ALCAM: variants seen among roughly 807,000 people sequenced by gnomAD.
ALCAM encodes CD166 antigen.
ALCAM carries 30 observed loss-of-function variants against 70.9 expected under a neutral mutation model. The observed-to-expected ratio is 0.42, with a 90% CI of 0.32 to 0.57. The LOEUF (loss-of-function observed/expected upper bound fraction) is 0.57. Ranked by LOEUF, ALCAM falls within the 20% of genes least tolerant of loss-of-function variation. The pLI is 0.11. For synonymous variants in ALCAM, 249 were observed against 242.5 expected (o/e 1.03, Z -0.25); for missense variants, 591 against 695.1 (o/e 0.85, Z 1.68).
At chr3:105,463,827 A>G (rs1937642792) in intron 1 of ALCAM, among the ~76,000 whole-genome samples, 1 of 151,372 alleles carries the variant, frequency 6.6e-6, no homozygotes, top group South Asian at 2.1e-4. Context: ...TTACAGTAGT[A>G]TTTTCCCTGA....
intron 1 of ALCAM, among the ~76,000 whole-genome samples, chr3:105,397,217 A>T (rs1199528337): frequency 6.6e-6 from 1 of 152,080 alleles, no homozygotes; most frequent in East Asian, 1.9e-4. Flanking sequence ...TGGCAATGTG[A>T]GTTTAAGCTT....
At position 105,575,078 on chromosome 3, in the gene ALCAM, T is replaced by C. The variant is rs753888375; in HGVS notation, c.*627T>C. 9 of 152,536 alleles carry C rather than the reference T, an allele frequency of 5.9e-5. No homozygotes were observed. Among genetic ancestry groups the C allele is most frequent in the Admixed American group, 1.3e-4 (2 of 15,258 alleles). The allele number at this position is 152,536 out of a possible 1,614,324, so 9.4% of individuals were successfully genotyped here. On this transcript the variant is annotated 3_prime_UTR_variant, in exon 16 of 16. Transcript: ENST00000306107. The stretch of plus-strand genomic sequence containing the variant: ...ACTCTTTGATATGCCACCAGCGAAC[T>C]CTCAGAAATAAATCACAGATGCATA...
chr3:105,449,874 A>G (rs1937384932), intron 1 of ALCAM, among the ~76,000 whole-genome samples: 2 of 152,176 alleles, frequency 1.3e-5, no homozygotes, highest in African/African-American at 4.8e-5. Context: ...CTTCAACAGC[A>G]ATATACTACT....
chr3:105,442,236 A>G (rs1937187219), intron 1 of ALCAM, among the ~76,000 whole-genome samples: 1 of 152,150 alleles, frequency 6.6e-6, no homozygotes, highest in Non-Finnish European at 1.5e-5. Context: ...CTCAGGTTTG[A>G]GGTATCAGGA....
intron 1 of ALCAM, among the ~76,000 whole-genome samples, chr3:105,498,244 C>T (rs545215284): frequency 8.9e-4 from 136 of 152,176 alleles, no homozygotes; most frequent in African/African-American, 2.7e-3. Context: ...AAAACCAGGA[C>T]GTTTGAGTTT....
chr3:105,534,602 C>T (rs981019017), intron 5 of ALCAM, 61 bp from the exon 6 acceptor site: 24 of 1,503,490 alleles, frequency 1.6e-5, no homozygotes, highest in South Asian at 2.3e-5. Context: ...GGTGCTGTTT[C>T]GTTAAGGATT....
chr3:105,518,127 C>A (rs989767383), intron 1 of ALCAM, among the ~76,000 whole-genome samples: 1 of 151,964 alleles, frequency 6.6e-6, no homozygotes, highest in Non-Finnish European at 1.5e-5. Flanking sequence ...TTCTTATTTC[C>A]CTTTACCTGG....
intron 14 of ALCAM, among the ~76,000 whole-genome samples, chr3:105,563,704 G>A (rs1339301441): frequency 8.4e-5 from 5 of 59,862 alleles, no homozygotes; most frequent in African/African-American, 3.8e-4. Flanking sequence ...TTTTTGAGAC[G>A]GAGTCTCGCT....
In ALCAM at chr3:105,545,203, A is replaced by G; in HGVS notation, c.992-20A>G. The G allele has an allele frequency of 6.7e-7, 1 of 1,500,870 alleles. No individual in the cohort carries two copies. Among genetic ancestry groups the G allele is most frequent in the Non-Finnish European group, 9.3e-7 (1 of 1,078,094 alleles). The allele number at this position is 1,500,870 out of a possible 1,614,324, so 93.0% of individuals were successfully genotyped here. A position where few individuals can be genotyped will look rare whatever the true frequency, so the allele number is the denominator to read the frequency against. ...TTACATTTCAGAGTTAGCACTTTGA[A>G]CAGATTTTCTGCTTCACAGATTTGG... On this transcript the variant is annotated intron_variant, in intron 8 of 15. Coordinates refer to ENST00000306107, the MANE Select transcript of ALCAM (RefSeq NM_001627.4).
At chr3:105,469,684 T>C (rs779769592) in intron 1 of ALCAM, among the ~76,000 whole-genome samples, 2 of 151,250 alleles carry the variant, frequency 1.3e-5, no homozygotes, top group Non-Finnish European at 3.0e-5. Flanking sequence ...TTTGTATCTG[T>C]AGGGAAGTTG....
In ALCAM at chr3:105,425,757, T is replaced by C. The variant is rs557939115; in HGVS notation, c.73+58276T>C. On this transcript the variant is annotated intron_variant, in intron 1 of 15. Transcript: ENST00000306107. ...ACTAGGGATTTTCACTGGCATATTT[T>C]TAATTTTTTTTTTTTTTACTTTAAA... 3.0e-4 allele frequency among the ~76,000 whole-genome samples: 27 copies of C among 89,168 alleles called. No individual in the cohort carries two copies. In the South Asian group the frequency reaches 0.013, roughly 41 times the overall value. The allele number at this position is 89,168 out of a possible 152,430, so 58.5% of individuals were successfully genotyped here.
At chr3:105,406,340 T>C (rs1010358076) in intron 1 of ALCAM, among the ~76,000 whole-genome samples, 1 of 152,214 alleles carries the variant, frequency 6.6e-6, no homozygotes, top group African/African-American at 2.4e-5. Context: ...TATTAAGAAT[T>C]CCTTCGTTAT....
chr3:105,478,596 T>A (rs1318632737), intron 1 of ALCAM, among the ~76,000 whole-genome samples: 1 of 152,142 alleles, frequency 6.6e-6, no homozygotes, highest in Non-Finnish European at 1.5e-5. Context: ...TAATAGAATC[T>A]TCCACTGGTT....
intron 1 of ALCAM, among the ~76,000 whole-genome samples, chr3:105,457,175 T>A (rs1412244719): frequency 6.6e-6 from 1 of 152,218 alleles, no homozygotes; most frequent in Non-Finnish European, 1.5e-5. Context: ...TCTGTGTCAG[T>A]TTGCCAAGAA....
At chr3:105,563,700 A>T (rs1328960239) in intron 14 of ALCAM, among the ~76,000 whole-genome samples, 3 of 38,786 alleles carry the variant, frequency 7.7e-5, no homozygotes, top group African/African-American at 1.9e-4. Flanking sequence ...TTTTTTTTTG[A>T]GACGGAGTCT....
intron 1 of ALCAM, among the ~76,000 whole-genome samples, chr3:105,431,386 A>G (rs1936928898): frequency 6.6e-6 from 1 of 152,154 alleles, no homozygotes; most frequent in African/African-American, 2.4e-5. Flanking sequence ...GCCTCAGATG[A>G]CATAAGTGGA....
intron 1 of ALCAM, among the ~76,000 whole-genome samples, chr3:105,454,653 ATTTTTTTTTTTTTT>A (rs59389132): frequency 1.6e-4 from 10 of 61,752 alleles, no homozygotes; most frequent in African/African-American, 3.4e-4. Context: ...ATGCTCATTA[ATTTTTTTTTTTTTT>A]TTTTTTTTTT....
intron 1 of ALCAM, among the ~76,000 whole-genome samples, chr3:105,390,135 T>C (rs1198713532): frequency 6.6e-6 from 1 of 152,062 alleles, no homozygotes; most frequent in Non-Finnish European, 1.5e-5. Context: ...ATGGTATTTA[T>C]GGTTCTAGGT....
At position 105,561,188 on chromosome 3, in the gene ALCAM, T is replaced by C. The variant is rs557265251; in HGVS notation, c.1664+8603T>C. On this transcript the variant is annotated intron_variant, in intron 14 of 15. Coordinates refer to ENST00000306107, the MANE Select transcript of ALCAM (RefSeq NM_001627.4). Reference sequence around the variant, plus strand: ...ATTAATTTTGTAATGTTTCCAATTGTTCCTAGTAGTATGTGAAAGTGTGAT... The same window carrying C: ...ATTAATTTTGTAATGTTTCCAATTGCTCCTAGTAGTATGTGAAAGTGTGAT... 2.0e-5 allele frequency among the ~76,000 whole-genome samples: 3 copies of C among 152,354 alleles called. No homozygotes were observed. The East Asian group carries it at 5.8e-4, about 29-fold the overall frequency.
Sources: gnomAD v4.1 joint callset for allele counts (sites outside exome capture counted in the v4.1 genomes callset) on GRCh38, gnomAD v4.1.1 for gene constraint, MANE v1.5 for transcripts, NCBI Gene and HGNC (gene_info 2026-07-23, HGNC 2026-07-21) for gene names.